Variants in SNW1 observed in about 807,000 individuals in gnomAD.
The protein encoded by SNW1 is SNW domain containing 1, also known as SNW domain-containing protein 1.
A neutral mutation model predicts 75.6 loss-of-function variants in SNW1; 9 were observed. The observed-to-expected ratio is 0.12, with a 90% CI of 0.07 to 0.21. SNW1 has a LOEUF of 0.21. Ranked by LOEUF, SNW1 falls within the 10% of genes least tolerant of loss-of-function variation. The pLI is 1.00. For missense variants in SNW1, 409 were observed against 670.9 expected (o/e 0.61, Z 4.31); for synonymous variants, 200 against 219.1 (o/e 0.91, Z 0.77).
At chr14:77,750,304 G>A (rs1005602633) in intron 3 of SNW1, among the ~76,000 whole-genome samples, 2 of 152,218 alleles carry the variant, frequency 1.3e-5, no homozygotes, top group African/African-American at 4.8e-5. Flanking sequence ...GACAAGTGCA[G>A]GATGAAGAAA....
At chr14:77,738,415 C>T (rs2080691073) in intron 5 of SNW1, among the ~76,000 whole-genome samples, 1 of 151,902 alleles carries the variant, frequency 6.6e-6, no homozygotes, top group Admixed American at 6.6e-5. Context: ...TCGAAAACAG[C>T]CTGAGCATCA....
intron 1 of SNW1, 31 bp from the exon 2 acceptor site, chr14:77,755,151 T>C (rs2080834714): frequency 6.5e-7 from 1 of 1,549,224 alleles, no homozygotes; most frequent in African/African-American, 1.4e-5. Flanking sequence ...AGTCAGAAAT[T>C]TAAAAAACTC....
intron 11 of SNW1, 38 bp downstream of exon 11, chr14:77,723,143 G>C: frequency 1.3e-6 from 2 of 1,538,836 alleles, no homozygotes; most frequent in Non-Finnish European, 1.8e-6. Flanking sequence ...CACTGCGCCC[G>C]GCCACCATGA....
intron 10 of SNW1, 191 bp downstream of exon 10, chr14:77,730,797 C>A (rs373120324): frequency 3.5e-6 from 2 of 568,576 alleles, no homozygotes; most frequent in Non-Finnish European, 6.0e-6. Flanking sequence ...AACTGAAGAC[C>A]CACTTTTTTC....
chr14:77,744,461 AAAAAAG>A (rs1400508270), intron 3 of SNW1, among the ~76,000 whole-genome samples: 9 of 150,932 alleles, frequency 6.0e-5, no homozygotes, highest in African/African-American at 2.2e-4. Context: ...AAAAAAAAAA[AAAAAAG>A]AAAAGTAAAG....
intron 7 of SNW1, among the ~76,000 whole-genome samples, chr14:77,735,408 C>T (rs907415986): frequency 6.6e-5 from 10 of 152,128 alleles, no homozygotes; most frequent in African/African-American, 2.4e-4. Context: ...GCCTCAGCCT[C>T]CCAAGTAGCT....
intron 3 of SNW1, among the ~76,000 whole-genome samples, chr14:77,748,310 A>C (rs1594806108): frequency 6.6e-6 from 1 of 151,992 alleles, no homozygotes; most frequent in South Asian, 2.1e-4. Flanking sequence ...AAAACCAGAG[A>C]CCCTTGTTCA....
At chr14:77,732,342 A>C in intron 9 of SNW1, 143 bp downstream of exon 9, 2 of 637,474 alleles carry the variant, frequency 3.1e-6, no homozygotes, top group South Asian at 1.9e-5. Flanking sequence ...GCTGCCAACT[A>C]GCAGCTGCCA....
chr14:77,729,871 T>C (rs1280196228), intron 10 of SNW1, among the ~76,000 whole-genome samples: 1 of 152,200 alleles, frequency 6.6e-6, no homozygotes, highest in East Asian at 1.9e-4. Context: ...AACCCTGCAA[T>C]TGCTTCCCTT....
intron 1 of SNW1, among the ~76,000 whole-genome samples, chr14:77,757,677 T>G (rs2080851932): frequency 6.6e-6 from 1 of 152,334 alleles, no homozygotes; most frequent in Non-Finnish European, 1.5e-5. Flanking sequence ...CTCATTTAAC[T>G]ATTCTGTTTT....
Position 77,718,055 on chromosome 14 carries a change from G to T in SNW1, c.*33C>A. On this transcript the variant is annotated 3_prime_UTR_variant, in exon 14 of 14. Coordinates refer to ENST00000261531, the MANE Select transcript of SNW1 (RefSeq NM_012245.3). ...ATGACTTGCATCATTAGGGTTATGG[G>T]TAAGAGTTCATTCACTTTGGAGAGA... The T allele has an allele frequency of 1.3e-6, 2 of 1,520,134 alleles. No homozygotes were observed. Among genetic ancestry groups the T allele is most frequent in the Admixed American group, 2.2e-5 (1 of 45,432 alleles). The allele number at this position is 1,520,134 out of a possible 1,614,324, so 94.2% of individuals were successfully genotyped here. A position where few individuals can be genotyped will look rare whatever the true frequency, so the allele number is the denominator to read the frequency against.
At chr14:77,732,719 CA>C (rs2080637026) in intron 8 of SNW1, 118 bp from the exon 9 acceptor site, 1 of 650,494 alleles carries the variant, frequency 1.5e-6, no homozygotes, top group Admixed American at 2.6e-5. Context: ...GGCTGGAGGG[CA>C]GGGGTGCCAT....
At chr14:77,737,988 T>C (rs1440660361) in intron 5 of SNW1, among the ~76,000 whole-genome samples, 1 of 34,798 alleles carries the variant, frequency 2.9e-5, no homozygotes, top group African/African-American at 1.3e-4. Context: ...TGAGACTCCA[T>C]CTCAAAAAAA....
chr14:77,720,845 C>T lies in SNW1; in HGVS notation c.1131-17G>A. The T allele has an allele frequency of 6.6e-7, 1 of 1,505,622 alleles. No individual in the cohort carries two copies. 93.3% of individuals were successfully genotyped at this position (1,505,622 alleles called of 1,614,324 possible). A position where few individuals can be genotyped will look rare whatever the true frequency, so the allele number is the denominator to read the frequency against. ...AGTTTCGACCTATTTTGAAATACGA[C>T]ATCACTAACTGAAAACTCTTTATAG... On this transcript the variant is annotated splice_polypyrimidine_tract_variant and intron_variant, in intron 11 of 13. Coordinates refer to ENST00000261531, the MANE Select transcript of SNW1 (RefSeq NM_012245.3).
intron 8 of SNW1, among the ~76,000 whole-genome samples, chr14:77,734,637 C>G (rs2080655613): frequency 6.6e-6 from 1 of 152,112 alleles, no homozygotes; most frequent in South Asian, 2.1e-4. Context: ...ACTCAGGAGG[C>G]TGAGGCAGGG....
chr14:77,733,661 C>T (rs2080644846), intron 8 of SNW1, among the ~76,000 whole-genome samples: 1 of 143,390 alleles, frequency 7.0e-6, no homozygotes. Flanking sequence ...GGGAGGATCG[C>T]CTGAGCCTGG....
intron 3 of SNW1, among the ~76,000 whole-genome samples, chr14:77,741,128 G>C (rs1179937890): frequency 2.0e-5 from 3 of 148,052 alleles, no homozygotes; most frequent in Non-Finnish European, 3.0e-5. Flanking sequence ...AGTGTCTCCT[G>C]TGCTTTATAA....
intron 2 of SNW1, among the ~76,000 whole-genome samples, chr14:77,753,985 T>C (rs1237293905): frequency 6.6e-6 from 1 of 151,690 alleles, no homozygotes; most frequent in East Asian, 1.9e-4. Flanking sequence ...AATTAATTAA[T>C]GTAAAGGATC....
intron 11 of SNW1, chr14:77,722,345 A>G (rs1225988731): frequency 3.2e-6 from 1 of 314,400 alleles, no homozygotes. Flanking sequence ...AAATTATTTT[A>G]TGGATAGCTC....
Sources: gnomAD v4.1 joint callset for allele counts (sites outside exome capture counted in the v4.1 genomes callset) on GRCh38, gnomAD v4.1.1 for gene constraint, MANE v1.5 for transcripts, NCBI Gene and HGNC (gene_info 2026-07-23, HGNC 2026-07-21) for gene names.